The following CEMIP2 variants were observed in gnomAD, a reference collection of about 807,000 sequenced individuals.
CEMIP2 encodes the protein cell migration inducing hyaluronidase 2.
In CEMIP2, 79 loss-of-function variants were observed where a neutral mutation model predicts 146.9. The observed-to-expected ratio is 0.54, with a 90% CI of 0.45 to 0.65. CEMIP2 has a LOEUF of 0.65. Ranked by LOEUF, CEMIP2 falls within the 30% of genes least tolerant of loss-of-function variation. CEMIP2 has a pLI of 0.00. For missense variants in CEMIP2, 1,596 were observed against 1,696.2 expected (o/e 0.94, Z 1.04); for synonymous variants, 601 against 606.3 (o/e 0.99, Z 0.13).
In CEMIP2 at chr9:71,740,097, C is replaced by T; in HGVS notation, c.1170G>A (p.Lys390=). ...ATTCACTATAAGCTGTCACAGAGAA[C>T]TTCTGGCCATCCACAGTATAAAATT... ...QREFYTVDGQ[K]FSVTAYSEWI... The change falls in exon 5 of 24, where the codon AAG becomes AAA. Residue 390 remains lysine (K), a synonymous_variant. Coordinates refer to ENST00000377044, the MANE Select transcript of CEMIP2 (RefSeq NM_013390.3). The T allele has an allele frequency of 6.2e-7, 1 of 1,614,096 alleles. No individual in the cohort carries two copies. Among genetic ancestry groups the T allele is most frequent in the Admixed American group, 1.7e-5 (1 of 60,024 alleles).
chr9:71,712,082 C>A lies in CEMIP2; in HGVS notation c.2769+1G>T. ...ACGTAAGAACTACAGAACATACTTA[C>A]ATGTGGACCAAACTTCACGAGGGAG... On this transcript the variant is annotated splice_donor_variant, in intron 16 of 23. Coordinates refer to ENST00000377044, the MANE Select transcript of CEMIP2 (RefSeq NM_013390.3). LOFTEE classifies it high-confidence loss of function. 6.2e-7 allele frequency: 1 copy of A among 1,613,750 alleles called. No homozygotes were observed. Among genetic ancestry groups the A allele is most frequent in the Non-Finnish European group, 8.5e-7 (1 of 1,179,844 alleles).
chr9:71,764,703 TCAAAGG>T (rs2132050748), intron 1 of CEMIP2, among the ~76,000 whole-genome samples: 1 of 152,292 alleles, frequency 6.6e-6, no homozygotes, highest in South Asian at 2.1e-4. Flanking sequence ...TGGATTTCTA[TCAAAGG>T]CAATTTATTA....
intron 17 of CEMIP2, among the ~76,000 whole-genome samples, chr9:71,707,048 G>C (rs1481926059): frequency 6.6e-6 from 1 of 152,030 alleles, no homozygotes; most frequent in Non-Finnish European, 1.5e-5. Context: ...GGCTGGGCTC[G>C]AACTCCAGAC....
At chr9:71,761,044 C>A (rs933036005) in intron 1 of CEMIP2, among the ~76,000 whole-genome samples, 9 of 152,244 alleles carry the variant, frequency 5.9e-5, no homozygotes, top group African/African-American at 2.2e-4. Context: ...TCAAGAGAGG[C>A]TTCCAACCTG....
At chr9:71,712,526 T>C (rs769225157) in intron 15 of CEMIP2, 46 of 318,842 alleles carry the variant, frequency 1.4e-4, no homozygotes, top group Non-Finnish European at 2.3e-5. Context: ...GGGAGAAAGA[T>C]GCTATTTTAG....
rs755350146 is a variant in CEMIP2 at position 71,707,580 on chromosome 9, A to G, written c.2985+1679T>C. 6.6e-5 allele frequency among the ~76,000 whole-genome samples: 10 copies of G among 152,216 alleles called. No individual in the cohort carries two copies. In the South Asian group the frequency reaches 1.0e-3, roughly 16 times the overall value. ...AATTCTGATCCAAGAAGCTCCAATT[A>G]TTGAAAGCTCAGGTGGTGGAAACAA... On this transcript the variant is annotated intron_variant, in intron 17 of 23. Coordinates refer to ENST00000377044, the MANE Select transcript of CEMIP2 (RefSeq NM_013390.3).
At position 71,744,910 on chromosome 9, in the gene CEMIP2, C is replaced by A. The variant is rs149560969; in HGVS notation, c.1034+108G>T. 5.1e-6 allele frequency: 6 copies of A among 1,187,770 alleles called. No individual in the cohort carries two copies. In the African/African-American group the frequency reaches 9.2e-5, roughly 18 times the overall value. The allele number at this position is 1,187,770 out of a possible 1,614,324, so 73.6% of individuals were successfully genotyped here. ...CCAGACATGCAAATGGTAGAGTGGC[C>A]CTTCTGATGCCTGAGTCATGCTGTG... On this transcript the variant is annotated intron_variant, in intron 4 of 23. Transcript: ENST00000377044.
chr9:71,724,287 C>G (rs1157523046), intron 11 of CEMIP2, among the ~76,000 whole-genome samples: 1 of 150,968 alleles, frequency 6.6e-6, no homozygotes, highest in Non-Finnish European at 1.5e-5. Context: ...GAGCAAGACT[C>G]TGTCTCAAAA....
In CEMIP2 at chr9:71,685,107, GTTGGGTTAACAGTGTCAT is replaced by G. The variant is rs1295552859; in HGVS notation, c.*72_*89del. ...CTGTATCAAACTGGAAAATGGTTCC[GTTGGGTTAACAGTGTCAT>G]TTTAAAATGCCATAAATTAAATAAG... On this transcript the variant is annotated 3_prime_UTR_variant, in exon 24 of 24. Transcript: ENST00000377044. The G allele has an allele frequency of 1.6e-6, 2 of 1,286,688 alleles. No individual in the cohort carries two copies. The highest frequency in any genetic ancestry group is 4.9e-5 in the East Asian group (2 of 40,846). 79.7% of individuals were successfully genotyped at this position (1,286,688 alleles called of 1,614,324 possible).
Position 71,690,106 on chromosome 9 carries a change from T to C in CEMIP2, c.3837A>G (p.Thr1279=). ...GCTTGACCTACCTTGGAGGGATGCC[T>C]GTTTTTAAATACTCTTCAATGCGAC... is the stretch of plus-strand genomic sequence containing the variant. ...DVSRIEEYLK[T]GIPPRSIVLL... is the part of the protein sequence containing the mutation. The change falls in exon 22 of 24, where the codon ACA becomes ACG. Residue 1279 remains threonine, a synonymous_variant. Coordinates refer to ENST00000377044, the MANE Select transcript of CEMIP2 (RefSeq NM_013390.3). 1 of 1,614,142 alleles carries C rather than the reference T, an allele frequency of 6.2e-7. No individual in the cohort carries two copies. Among genetic ancestry groups the C allele is most frequent in the Non-Finnish European group, 8.5e-7 (1 of 1,180,002 alleles).
Position 71,698,071 on chromosome 9 carries a change from A to G in CEMIP2, c.3511T>C (p.Tyr1171His). ...KDISNCMAKA[Y>H]PQYYRKPSVV... ...GACGGCTTTCTGTAGTACTGTGGGTATGCTTTGGCCATGCAGTTACTGATG... is the reference window on the plus strand; with the variant it reads ...GACGGCTTTCTGTAGTACTGTGGGTGTGCTTTGGCCATGCAGTTACTGATG... Residue 1171 changes from tyrosine (Y) to histidine (H), a missense_variant, in exon 20 of 24, where the codon TAC becomes CAC. Physicochemically the swap from Tyr to His is moderately conservative, Grantham distance 83. Transcript: ENST00000377044. 1 of 1,614,136 alleles carries G rather than the reference A, an allele frequency of 6.2e-7. No homozygotes were observed. The highest frequency in any genetic ancestry group is 8.5e-7 in the Non-Finnish European group (1 of 1,180,024).
chr9:71,722,522 A>C lies in CEMIP2; in HGVS notation c.2179-7T>G, dbSNP rs763880920. The C allele has an allele frequency of 2.1e-5, 34 of 1,597,678 alleles. No individual in the cohort carries two copies. In the South Asian group the frequency reaches 3.3e-4, roughly 16 times the overall value. On this transcript the variant is annotated splice_region_variant and splice_polypyrimidine_tract_variant and intron_variant, in intron 11 of 23. Transcript: ENST00000377044. ...TGTCAATAAATAAGCCAGCCTGAAA[A>C]ATATAAATAATGGACTGGAATGAAT...
intron 12 of CEMIP2, among the ~76,000 whole-genome samples, chr9:71,720,302 T>C (rs1037679202): frequency 6.6e-6 from 1 of 152,186 alleles, no homozygotes; most frequent in African/African-American, 2.4e-5. Flanking sequence ...TTTTTGTTTG[T>C]TTTTTTGAGA....
chr9:71,756,790 G>C (rs1301673874), intron 1 of CEMIP2, among the ~76,000 whole-genome samples: 1 of 152,110 alleles, frequency 6.6e-6, no homozygotes. Flanking sequence ...TAAAGATAAA[G>C]AGCAGCAAAC....
At position 71,720,250 on chromosome 9, in the gene CEMIP2, C is replaced by A. The variant is rs936480408; in HGVS notation, c.2268-2171G>T. 2.0e-5 allele frequency among the ~76,000 whole-genome samples: 3 copies of A among 151,294 alleles called. No homozygotes were observed. In the East Asian group the frequency reaches 5.8e-4, roughly 29 times the overall value. ...CCATCTTTGGATTCCTATATTTTCA[C>A]GTCTTGAAGACACAAGGAAAGGCTT... On this transcript the variant is annotated intron_variant, in intron 12 of 23. Coordinates refer to ENST00000377044, the MANE Select transcript of CEMIP2 (RefSeq NM_013390.3).
chr9:71,697,897 T>C (rs540046227), intron 20 of CEMIP2, 88 bp downstream of exon 20: 6 of 1,337,422 alleles, frequency 4.5e-6, no homozygotes, highest in East Asian at 2.4e-5. Flanking sequence ...ATGGGCAATA[T>C]AGATGTTTCA....
intron 17 of CEMIP2, 113 bp downstream of exon 17, chr9:71,709,145 AG>A (rs1822834041): frequency 1.1e-6 from 1 of 935,872 alleles, no homozygotes; most frequent in East Asian, 2.5e-5. Flanking sequence ...ACAGGAAGAT[AG>A]ATCATACTTT....
rs139974678 is a variant in CEMIP2 at position 71,745,249 on chromosome 9, T to C, written c.803A>G (p.Asn268Ser). ...CGTGTCTTGGTCAATGACCCTCACA[T>C]TGAGGCCCCGGGAAAAGTCCTTTTC... ...TFEKDFSRGLNVRVIDQDTAK... is the reference protein window; with the variant it reads ...TFEKDFSRGLSVRVIDQDTAK... The change falls in exon 4 of 24, where the codon AAT becomes AGT. Residue 268 changes from asparagine to serine, a missense_variant. Physicochemically the swap from Asn to Ser is conservative, Grantham distance 46. Coordinates refer to ENST00000377044, the MANE Select transcript of CEMIP2 (RefSeq NM_013390.3). 1.4e-5 allele frequency: 22 copies of C among 1,613,968 alleles called. No individual in the cohort carries two copies. The highest frequency in any genetic ancestry group is 3.3e-5 in the South Asian group (3 of 91,080).
At chr9:71,717,864 T>G in intron 13 of CEMIP2, 84 bp downstream of exon 13, 1 of 1,285,406 alleles carries the variant, frequency 7.8e-7, no homozygotes, top group Non-Finnish European at 1.1e-6. Flanking sequence ...ATCATCACTG[T>G]GCTTTCATGC....
Sources: gnomAD v4.1 joint callset for allele counts (sites outside exome capture counted in the v4.1 genomes callset) on GRCh38, gnomAD v4.1.1 for gene constraint, MANE v1.5 for transcripts, NCBI Gene and HGNC (gene_info 2026-07-23, HGNC 2026-07-21) for gene names.